IFITM2: variants seen among roughly 807,000 people sequenced by gnomAD.
IFITM2 encodes the protein interferon induced transmembrane protein 2.
Under a neutral mutation model 5.9 loss-of-function variants are expected in IFITM2, and 3 were observed. That is an observed-to-expected ratio of 0.51 (90% CI 0.23 to 1.32). The LOEUF is 1.32. IFITM2 is among the 40% of genes most tolerant of loss of function. IFITM2 has a pLI of 0.18. For missense variants in IFITM2, 159 were observed against 175.9 expected (o/e 0.90, Z 0.54); for synonymous variants, 76 against 72.4 (o/e 1.05, Z -0.25).
intron 1 of IFITM2, chr11:308,704 C>T (rs1411429907): frequency 9.7e-6 from 7 of 718,916 alleles, no homozygotes; most frequent in Non-Finnish European, 1.8e-5. Context: ...TCCACTAGCC[C>T]AGAGCAGTTC....
At position 308,439 on chromosome 11, in the gene IFITM2, G is replaced by A. The variant is rs1845990732; in HGVS notation, c.246+1G>A. 8.1e-6 allele frequency: 13 copies of A among 1,613,332 alleles called. No individual in the cohort carries two copies. The highest frequency in any genetic ancestry group is 1.1e-5 in the Non-Finnish European group (13 of 1,179,382). ...CATAGCATTCGCGTACTCCGTGAAG[G>A]TGCGTATGGCCCTGGCGGAAATCCA... On this transcript the variant is annotated splice_donor_variant, in intron 1 of 1. Transcript: ENST00000616316. LOFTEE classifies it high-confidence loss of function.
At position 309,135 on chromosome 11, in the gene IFITM2, C is replaced by A. The variant is rs1405261015; in HGVS notation, c.369C>A (p.Ile123=). 1.2e-6 allele frequency: 2 copies of A among 1,614,104 alleles called. No individual in the cohort carries two copies. The highest frequency in any genetic ancestry group is 4.5e-5 in the East Asian group (2 of 44,896). Residue 123 remains isoleucine (I), a synonymous_variant, in exon 2 of 2, where the codon ATC becomes ATA. Coordinates refer to ENST00000616316, the MANE Select transcript of IFITM2 (RefSeq NM_006435.3). ...TCATGACCATTCTGCTCATCATCATCCCAGTGTTGGTCGTCCAGGCCCAGC... is the reference window on the plus strand; with the variant it reads ...TCATGACCATTCTGCTCATCATCATACCAGTGTTGGTCGTCCAGGCCCAGC... ...GIFMTILLII[I]PVLVVQAQR
rs762321702 is a variant in IFITM2, at chr11:308,144, G to A, written c.-49G>A. On this transcript the variant is annotated 5_prime_UTR_variant, in exon 1 of 2. Coordinates refer to ENST00000616316, the MANE Select transcript of IFITM2 (RefSeq NM_006435.3). ...GAGAAAACGGAACTACTGGGGAAAG[G>A]GAGGGCTCACTGAGAACCATCCCGG... 7.5e-6 allele frequency: 12 copies of A among 1,599,522 alleles called. No homozygotes were observed. Among genetic ancestry groups the A allele is most frequent in the Non-Finnish European group, 1.0e-5 (12 of 1,169,674 alleles).
chr11:309,118 A>T lies in IFITM2; in HGVS notation c.352A>T (p.Ile118Phe). The change falls in exon 2 of 2, where the codon ATT (isoleucine) becomes TTT (phenylalanine). Residue 118 changes from isoleucine (I) to phenylalanine (F), a missense_variant. Physicochemically the swap from Ile to Phe is conservative, Grantham distance 21 (BLOSUM62 0). Coordinates refer to ENST00000616316, the MANE Select transcript of IFITM2 (RefSeq NM_006435.3). ...WALILGIFMT[I>F]LLIIIPVLVV... ...CCTGATTTTGGGCATCTTCATGACC[A>T]TTCTGCTCATCATCATCCCAGTGTT... 1 of 1,614,224 alleles carries T rather than the reference A, an allele frequency of 6.2e-7. No homozygotes were observed. The highest frequency in any genetic ancestry group is 8.5e-7 in the Non-Finnish European group (1 of 1,180,032).
Position 308,166 on chromosome 11 carries a change from C to T in IFITM2, c.-27C>T. The stretch of plus-strand genomic sequence containing the variant: ...AAGGGAGGGCTCACTGAGAACCATC[C>T]CGGTAACCCGATCACCGCTGGTCAC... On this transcript the variant is annotated 5_prime_UTR_variant, in exon 1 of 2. Coordinates refer to ENST00000616316, the MANE Select transcript of IFITM2 (RefSeq NM_006435.3). 1 of 1,607,752 alleles carries T rather than the reference C, an allele frequency of 6.2e-7. No individual in the cohort carries two copies. Among genetic ancestry groups the T allele is most frequent in the Non-Finnish European group, 8.5e-7 (1 of 1,174,854 alleles).
rs373960659 is a variant in IFITM2 at position 308,321 on chromosome 11, C to G, written c.129C>G (p.Thr43=). Residue 43 remains threonine (T), a synonymous_variant, in exon 1 of 2, where the codon ACC becomes ACG. Transcript: ENST00000616316. ...VPHNPAPPMS[T]VIHIRSETSV... is the part of the protein sequence containing the mutation. ...ACAACCCTGCTCCCCCGATGTCCAC[C>G]GTGATCCACATCCGCAGCGAGACCT... The G allele has an allele frequency of 6.2e-7, 1 of 1,613,984 alleles. No individual in the cohort carries two copies. The highest frequency in any genetic ancestry group is 1.7e-5 in the Admixed American group (1 of 60,022).
chr11:309,381 G>A lies in IFITM2; in HGVS notation c.*216G>A, dbSNP rs919144991. 3.9e-6 allele frequency: 5 copies of A among 1,294,038 alleles called. No individual in the cohort carries two copies. The African/African-American group carries it at 7.4e-5, about 19-fold the overall frequency. The allele number at this position is 1,294,038 out of a possible 1,614,324, so 80.2% of individuals were successfully genotyped here. ...TTTCTACAATGGCATTCAATAAAGTGTATATGTTTCTGGTGCTGCTGTGAC... is the reference window on the plus strand; with the variant it reads ...TTTCTACAATGGCATTCAATAAAGTATATATGTTTCTGGTGCTGCTGTGAC... On this transcript the variant is annotated 3_prime_UTR_variant, in exon 2 of 2. Coordinates refer to ENST00000616316, the MANE Select transcript of IFITM2 (RefSeq NM_006435.3).
rs746090796 is a variant in IFITM2 at position 309,325 on chromosome 11, G to A, written c.*160G>A. 97 of 1,536,714 alleles carry A rather than the reference G, an allele frequency of 6.3e-5. No homozygotes were observed. The highest frequency in any genetic ancestry group is 8.3e-5 in the Non-Finnish European group (94 of 1,136,676). On this transcript the variant is annotated 3_prime_UTR_variant, in exon 2 of 2. Transcript: ENST00000616316. ...TTCCTCGCCCTGTCCCCACAGCCGA[G>A]TCCTGCATCAGCCCTTTATCCTCAC...
chr11:308,119 G>T lies in IFITM2; in HGVS notation c.-74G>T. 2 of 1,571,540 alleles carry T rather than the reference G, an allele frequency of 1.3e-6. No homozygotes were observed. The highest frequency in any genetic ancestry group is 1.7e-6 in the Non-Finnish European group (2 of 1,152,630). On this transcript the variant is annotated 5_prime_UTR_variant, in exon 1 of 2. An upstream open reading frame in the 5' UTR loses its in-frame stop. Coordinates refer to ENST00000616316, the MANE Select transcript of IFITM2 (RefSeq NM_006435.3). Reference sequence around the variant, plus strand: ...CAAATGCCAGGAAGAGGAAACTGTTGAGAAAACGGAACTACTGGGGAAAGG... The same window carrying T: ...CAAATGCCAGGAAGAGGAAACTGTTTAGAAAACGGAACTACTGGGGAAAGG...
Position 308,054 on chromosome 11 carries a change from T to C in IFITM2, c.-139T>C. On this transcript the variant is annotated 5_prime_UTR_variant, in exon 1 of 2. Transcript: ENST00000616316. ...TAAAGTAATTTGATCCTCAGGAATT[T>C]GTTCTGCCCTTATCTGGCCCTGGCC... 1 of 1,081,874 alleles carries C rather than the reference T, an allele frequency of 9.2e-7. No individual in the cohort carries two copies. The highest frequency in any genetic ancestry group is 1.3e-6 in the Non-Finnish European group (1 of 744,162). The allele number at this position is 1,081,874 out of a possible 1,614,324, so 67.0% of individuals were successfully genotyped here.
rs1845997954 is a variant in IFITM2, at chr11:309,157, C to T, written c.391C>T (p.Gln131Ter). ...IIIPVLVVQA[Q>*]R ...CATCCCAGTGTTGGTCGTCCAGGCC[C>T]AGCGATAGATCAGGAGGCATCATTG... is the stretch of plus-strand genomic sequence containing the variant. The change falls in exon 2 of 2, where the codon CAG (glutamine) becomes TAG (stop). Residue 131 changes from glutamine (Q) to a stop codon, truncating the protein, a stop_gained. Coordinates refer to ENST00000616316, the MANE Select transcript of IFITM2 (RefSeq NM_006435.3). LOFTEE classifies it high-confidence loss of function. 4 of 1,614,208 alleles carry T rather than the reference C, an allele frequency of 2.5e-6. No homozygotes were observed. In the South Asian group the frequency reaches 3.3e-5, roughly 13 times the overall value.
chr11:309,278 A>G lies in IFITM2; in HGVS notation c.*113A>G, dbSNP rs541550400. Reference sequence around the variant, plus strand: ...GCCAGGAGCTCTGCCCTTGACCTGTATTCCACTTACTCCACCTTCCATTCC... The same window carrying G: ...GCCAGGAGCTCTGCCCTTGACCTGTGTTCCACTTACTCCACCTTCCATTCC... On this transcript the variant is annotated 3_prime_UTR_variant, in exon 2 of 2. Coordinates refer to ENST00000616316, the MANE Select transcript of IFITM2 (RefSeq NM_006435.3). 24 of 1,596,686 alleles carry G rather than the reference A, an allele frequency of 1.5e-5. No homozygotes were observed. In the Admixed American group the frequency reaches 2.6e-4, roughly 18 times the overall value.
At position 308,004 on chromosome 11, in the gene IFITM2, C is replaced by T. The variant is rs112604330; in HGVS notation, c.-189C>T. 4.7e-3 allele frequency: 3,274 copies of T among 696,052 alleles called. 106 individuals carry two copies. The African/African-American group carries it at 0.054, about 11-fold the overall frequency. The allele number at this position is 696,052 out of a possible 1,614,324, so 43.1% of individuals were successfully genotyped here. The stretch of plus-strand genomic sequence containing the variant: ...TCTAGAGAGGAAGCCCCTCTTAGCC[C>T]TCAGCCCCTCTTTCCTCCCTCTCCT... On this transcript the variant is annotated 5_prime_UTR_variant, in exon 1 of 2. Transcript: ENST00000616316.
At chr11:308,562 C>T (rs377460540) in intron 1 of IFITM2, 124 bp downstream of exon 1, 14 of 1,407,382 alleles carry the variant, frequency 9.9e-6, no homozygotes, top group East Asian at 6.8e-5. Flanking sequence ...CACGTCTGTC[C>T]TGTGTGTGCC....
chr11:309,353 G>C lies in IFITM2; in HGVS notation c.*188G>C, dbSNP rs540396690. ...CTGCATCAGCCCTTTATCCTCACAC[G>C]CTTTTCTACAATGGCATTCAATAAA... On this transcript the variant is annotated 3_prime_UTR_variant, in exon 2 of 2. Transcript: ENST00000616316. 1.4e-6 allele frequency: 2 copies of C among 1,441,814 alleles called. No homozygotes were observed. The highest frequency in any genetic ancestry group is 5.0e-5 in the East Asian group (2 of 39,910). 89.3% of individuals were successfully genotyped at this position (1,441,814 alleles called of 1,614,324 possible). A position where few individuals can be genotyped will look rare whatever the true frequency, so the allele number is the denominator to read the frequency against.
chr11:308,963 C>G (rs554453559), intron 1 of IFITM2, 50 bp from the exon 2 acceptor site: 2 of 1,602,276 alleles, frequency 1.2e-6, no homozygotes, highest in African/African-American at 1.3e-5. Flanking sequence ...CCATAGCACG[C>G]GGCTCTCAGC....
At position 308,247 on chromosome 11, in the gene IFITM2, T is replaced by C; in HGVS notation, c.55T>C (p.Tyr19His). 5 of 1,614,118 alleles carry C rather than the reference T, an allele frequency of 3.1e-6. No individual in the cohort carries two copies. The South Asian group carries it at 3.3e-5, about 11-fold the overall frequency. Residue 19 changes from tyrosine (Y) to histidine (H), a missense_variant, in exon 1 of 2, where the codon TAC becomes CAC. Physicochemically the swap from Tyr to His is moderately conservative, Grantham distance 83. Transcript: ENST00000616316. ...TGTCAACAGCGGCCAGCCTCCCAAC[T>C]ACGAGATGCTCAAGGAGGAGCAGGA... is the stretch of plus-strand genomic sequence containing the variant. ...SPVNSGQPPN[Y>H]EMLKEEQEVA...
chr11:308,760 C>T, intron 1 of IFITM2: 1 of 718,472 alleles, frequency 1.4e-6, no homozygotes, highest in South Asian at 1.5e-5. Context: ...TCCAGACTGG[C>T]ACCCAGGCTC....
chr11:308,889 G>C, intron 1 of IFITM2, 124 bp from the exon 2 acceptor site: 1 of 1,480,022 alleles, frequency 6.8e-7, no homozygotes. Context: ...GTCTGAGCCG[G>C]GTGAGGAAGG....
Sources: gnomAD v4.1 joint callset for allele counts on GRCh38, gnomAD v4.1.1 for gene constraint, MANE v1.5 for transcripts, NCBI Gene and HGNC (gene_info 2026-07-23, HGNC 2026-07-21) for gene names.